The following EXD1 variants were observed in gnomAD, a reference collection of about 807,000 sequenced individuals.
The protein encoded by EXD1 is piRNA biogenesis protein EXD1.
EXD1 carries 63 observed loss-of-function variants against 49.1 expected under a neutral mutation model. That is an observed-to-expected ratio of 1.28 (90% confidence interval 1.05 to 1.58). The LOEUF (loss-of-function observed/expected upper bound fraction) is 1.58. Among genes scored for constraint, EXD1 ranks in the 40% most tolerant of loss-of-function variants. The pLI, the probability that EXD1 is intolerant of heterozygous loss-of-function variation, is 0.00. For synonymous variants in EXD1, 234 were observed against 239.2 expected (o/e 0.98, Z 0.20); for missense variants, 748 against 666.0 (o/e 1.12, Z -1.36).
intron 11 of EXD1, among the ~76,000 whole-genome samples, 186 bp from the exon 12 acceptor site, chr15:41,184,779 C>T (rs1303858755): frequency 6.6e-6 from 1 of 152,030 alleles, no homozygotes; most frequent in Non-Finnish European, 1.5e-5. Flanking sequence ...CTCAGCCTCC[C>T]AAGTAGCTGG....
intron 2 of EXD1, among the ~76,000 whole-genome samples, chr15:41,224,347 T>G (rs1001855156): frequency 6.6e-6 from 1 of 152,200 alleles, no homozygotes; most frequent in African/African-American, 2.4e-5. Flanking sequence ...ACTAAATGAA[T>G]TAATGTTGCA....
intron 7 of EXD1, among the ~76,000 whole-genome samples, chr15:41,199,797 ATAT>A (rs2046695622): frequency 1.1e-5 from 1 of 88,054 alleles, no homozygotes; most frequent in Non-Finnish European, 2.1e-5. Context: ...ATAATGTCAT[ATAT>A]ATTATATATG....
intron 2 of EXD1, among the ~76,000 whole-genome samples, chr15:41,222,506 C>T (rs2047103915): frequency 1.3e-5 from 2 of 152,192 alleles, no homozygotes; most frequent in Non-Finnish European, 1.5e-5. Context: ...AATTCAAGCA[C>T]TTCTAGGTAC....
chr15:41,211,470 T>C (rs1474751865), intron 6 of EXD1, among the ~76,000 whole-genome samples: 4 of 151,994 alleles, frequency 2.6e-5, no homozygotes, highest in Admixed American at 2.6e-4. Context: ...AAGAATCTGT[T>C]GATACATAAA....
chr15:41,212,523 A>T (rs183420367), intron 6 of EXD1, among the ~76,000 whole-genome samples: 2 of 152,304 alleles, frequency 1.3e-5, no homozygotes, highest in East Asian at 3.9e-4. Context: ...AGCTTTGGAA[A>T]AAAGTCTGGC....
chr15:41,219,157 A>AGT (rs2047049842), intron 3 of EXD1, among the ~76,000 whole-genome samples: 1 of 152,190 alleles, frequency 6.6e-6, no homozygotes, highest in East Asian at 1.9e-4. Flanking sequence ...CACACTGATG[A>AGT]GCTTCTACAG....
At chr15:41,227,539 T>C (rs28495204) in intron 1 of EXD1, among the ~76,000 whole-genome samples, 44,754 of 151,200 alleles carry the variant, frequency 0.3, 9,214 homozygotes, top group African/African-American at 0.58. Context: ...TGTGGTGGCG[T>C]ATGCCTGTAA....
chr15:41,196,215 C>T (rs1160824956), intron 7 of EXD1, among the ~76,000 whole-genome samples, 178 bp from the exon 8 acceptor site: 4 of 151,856 alleles, frequency 2.6e-5, no homozygotes, highest in African/African-American at 4.8e-5. Flanking sequence ...GGCACAATCA[C>T]GGCTCACTGC....
intron 2 of EXD1, among the ~76,000 whole-genome samples, chr15:41,221,158 A>G (rs1051852022): frequency 6.6e-6 from 1 of 152,230 alleles, no homozygotes; most frequent in African/African-American, 2.4e-5. Context: ...GTATTTTATT[A>G]TCTCAATTAT....
intron 7 of EXD1, among the ~76,000 whole-genome samples, chr15:41,199,285 C>T (rs906152017): frequency 6.6e-6 from 1 of 151,602 alleles, no homozygotes; most frequent in Non-Finnish European, 1.5e-5. Flanking sequence ...ATGGGGTCTC[C>T]CTATGTTGCC....
intron 11 of EXD1, among the ~76,000 whole-genome samples, chr15:41,188,338 C>G (rs375375509): frequency 6.6e-6 from 1 of 151,098 alleles, no homozygotes; most frequent in Non-Finnish European, 1.5e-5. Flanking sequence ...CCTCTTCCCC[C>G]TCCCCTTGTC....
chr15:41,199,723 T>TATATATCATATATATTATATATATC (rs1555414681), intron 7 of EXD1, among the ~76,000 whole-genome samples: 10 of 36,308 alleles, frequency 2.8e-4, no homozygotes, highest in African/African-American at 6.6e-4. Flanking sequence ...TATGATATAT[T>TATATATCATATATATTATATATATC]ATATATGATA....
chr15:41,212,200 A>C (rs1226600846), intron 6 of EXD1, among the ~76,000 whole-genome samples: 1 of 152,206 alleles, frequency 6.6e-6, no homozygotes, highest in African/African-American at 2.4e-5. Flanking sequence ...CTGTAGTCCC[A>C]GCACTTTGGG....
intron 2 of EXD1, 82 bp downstream of exon 2, chr15:41,226,361 C>G: frequency 7.6e-7 from 1 of 1,307,622 alleles, no homozygotes; most frequent in African/African-American, 1.5e-5. Flanking sequence ...ATAATGCCAC[C>G]CTCCCAATCA....
chr15:41,216,475 T>C (rs1233875461), intron 5 of EXD1, among the ~76,000 whole-genome samples, 193 bp downstream of exon 5: 1 of 151,926 alleles, frequency 6.6e-6, no homozygotes, highest in Non-Finnish European at 1.5e-5. Flanking sequence ...CTACTAAAAA[T>C]ACAAAATTAG....
chr15:41,207,044 C>A (rs1181808255), intron 7 of EXD1, among the ~76,000 whole-genome samples: 1 of 142,052 alleles, frequency 7.0e-6, no homozygotes, highest in Non-Finnish European at 1.5e-5. Flanking sequence ...AGTTCGAGAC[C>A]AGCCTGGCCA....
chr15:41,189,926 G>C lies in EXD1; in HGVS notation c.1056+11C>G. ...AGAAAGGAGGTCCTGAAGACAGAGA[G>C]CTGCACCTACCTCAGTGCCTCCAAG... On this transcript the variant is annotated intron_variant, in intron 11 of 11. Transcript: ENST00000458580. The C allele has an allele frequency of 6.2e-7, 1 of 1,613,000 alleles. No individual in the cohort carries two copies. Among genetic ancestry groups the C allele is most frequent in the Non-Finnish European group, 8.5e-7 (1 of 1,179,216 alleles).
At chr15:41,196,841 T>G (rs2046622138) in intron 7 of EXD1, among the ~76,000 whole-genome samples, 4 of 151,996 alleles carry the variant, frequency 2.6e-5, no homozygotes, top group Admixed American at 2.6e-4. Context: ...CTTTATTTTT[T>G]TTGAGACAGG....
intron 4 of EXD1, 113 bp downstream of exon 4, chr15:41,216,984 T>C (rs2047009490): frequency 7.6e-7 from 1 of 1,310,840 alleles, no homozygotes; most frequent in Non-Finnish European, 1.1e-6. Flanking sequence ...TTTCTTCTCA[T>C]TTCTATTTCC....
Sources: gnomAD v4.1 joint callset for allele counts (sites outside exome capture counted in the v4.1 genomes callset) on GRCh38, gnomAD v4.1.1 for gene constraint, MANE v1.5 for transcripts, NCBI Gene and HGNC (gene_info 2026-07-23, HGNC 2026-07-21) for gene names.